The following KRT77 variants were observed in gnomAD, a reference collection of about 807,000 sequenced individuals.
KRT77 encodes keratin 77.
KRT77 carries 44 observed loss-of-function variants against 51.5 expected under a neutral mutation model. The ratio of observed to expected loss-of-function variants is 0.85; its 90% CI spans 0.67 to 1.10. KRT77 has a LOEUF of 1.10. Among genes scored for constraint, KRT77 ranks in the 50% least tolerant of loss-of-function variants. The pLI is 0.00. For synonymous variants in KRT77, 293 were observed against 302.0 expected (o/e 0.97, Z 0.31); for missense variants, 763 against 743.9 (o/e 1.03, Z -0.30).
intron 4 of KRT77, 104 bp from the exon 5 acceptor site, chr12:52,694,894 G>A (rs955506730): frequency 4.8e-6 from 5 of 1,052,322 alleles, no homozygotes; most frequent in South Asian, 4.1e-5. Context: ...AGAAGCCTGG[G>A]CCAGGTAGTC....
chr12:52,696,648 C>T (rs1012640686), intron 2 of KRT77: 34 of 509,982 alleles, frequency 6.7e-5, no homozygotes, highest in African/African-American at 1.1e-4. Flanking sequence ...GAGGGGACCC[C>T]GGGCCAACAT....
intron 3 of KRT77, 117 bp downstream of exon 3, chr12:52,696,253 A>C (rs1941793392): frequency 6.6e-6 from 6 of 915,236 alleles, no homozygotes; most frequent in Admixed American, 5.2e-5. Context: ...GGCATCATAC[A>C]CAGCAAGCCG....
chr12:52,695,673 T>C (rs533330953), intron 4 of KRT77, 99 bp downstream of exon 4: 1 of 596,828 alleles, frequency 1.7e-6, no homozygotes, highest in Non-Finnish European at 2.7e-6. Context: ...GAGTCCCTAG[T>C]GGGACCCTAG....
chr12:52,695,647 G>C (rs947359660), intron 4 of KRT77, 125 bp downstream of exon 4: 17 of 644,524 alleles, frequency 2.6e-5, no homozygotes, highest in Non-Finnish European at 4.7e-5. Context: ...CACAGAGTTG[G>C]GGTACCTGGG....
At chr12:52,692,951 TG>T in intron 5 of KRT77, 71 bp from the exon 6 acceptor site, 1 of 1,535,462 alleles carries the variant, frequency 6.5e-7, no homozygotes, top group African/African-American at 1.3e-5. Flanking sequence ...GGAGTAGGTC[TG>T]GGCTGCTCTC....
At chr12:52,691,568 T>C in intron 8 of KRT77, 129 bp from the exon 9 acceptor site, 1 of 1,085,004 alleles carries the variant, frequency 9.2e-7, no homozygotes, top group Non-Finnish European at 1.3e-6. Context: ...CCCCATACAT[T>C]GAAAATTGAA....
At chr12:52,700,654 G>T (rs1033609810) in intron 1 of KRT77, among the ~76,000 whole-genome samples, 2 of 152,202 alleles carry the variant, frequency 1.3e-5, no homozygotes, top group Non-Finnish European at 2.9e-5. Context: ...CTGCTTACTA[G>T]CCATTGTATC....
At chr12:52,694,908 G>A in intron 4 of KRT77, 118 bp from the exon 5 acceptor site, 1 of 886,330 alleles carries the variant, frequency 1.1e-6, no homozygotes, top group Non-Finnish European at 1.7e-6. Flanking sequence ...GGTAGTCTTG[G>A]GAAAAGCTCT....
chr12:52,695,749 G>A (rs1252973214), intron 4 of KRT77, 23 bp downstream of exon 4: 3 of 1,536,122 alleles, frequency 2.0e-6, no homozygotes, highest in Non-Finnish European at 2.7e-6. Context: ...AAGAAAGGAG[G>A]TTCTTATAAA....
rs1230428445 is a variant in KRT77 at position 52,691,990 on chromosome 12, A to G, written c.1428-18T>C. ...CTGACATCCTGTAAAACCAAAGCAC[A>G]CGGTCAGCCAGACCCACAGGGCCTG... is the stretch of plus-strand genomic sequence containing the variant. On this transcript the variant is annotated intron_variant, in intron 7 of 8. Transcript: ENST00000341809. 1.2e-6 allele frequency: 2 copies of G among 1,613,750 alleles called. No individual in the cohort carries two copies. Among genetic ancestry groups the G allele is most frequent in the African/African-American group, 2.7e-5 (2 of 74,944 alleles).
At chr12:52,694,526 C>T (rs1941762624) in intron 5 of KRT77, 100 bp downstream of exon 5, 1 of 1,149,016 alleles carries the variant, frequency 8.7e-7, no homozygotes, top group Non-Finnish European at 1.2e-6. Flanking sequence ...ATAACAAACA[C>T]ATTTTACTTC....
At position 52,691,287 on chromosome 12, in the gene KRT77, C is replaced by T. The variant is rs1329955770; in HGVS notation, c.1615G>A (p.Gly539Ser). 1 of 1,600,418 alleles carries T rather than the reference C, an allele frequency of 6.2e-7. No individual in the cohort carries two copies. Among genetic ancestry groups the T allele is most frequent in the South Asian group, 1.1e-5 (1 of 90,420 alleles). Residue 539 changes from glycine (G) to serine (S), a missense_variant, in exon 9 of 9, where the codon GGC becomes AGC. Gly to Ser is a moderately conservative substitution (Grantham distance 56). Transcript: ENST00000341809. ...CCGCCACCGCCGCCGCAGCCGCTGC[C>T]ATAACCGCCTCCACTCCTGCCTCGT... Reference protein sequence around the residue: ...GARGRSGGGYGSGCGGGGGSY... With the variant: ...GARGRSGGGYSSGCGGGGGSY...
In KRT77 at chr12:52,692,549, C is replaced by T. The variant is rs1332108042; in HGVS notation, c.1299G>A (p.Glu433=). 2 of 1,604,984 alleles carry T rather than the reference C, an allele frequency of 1.2e-6. No individual in the cohort carries two copies. The highest frequency in any genetic ancestry group is 3.3e-5 in the Admixed American group (2 of 59,822). ...DAWQKLQDLE[E]ALQQSKEELA... is the part of the protein sequence containing the mutation. The stretch of plus-strand genomic sequence containing the variant: ...GCTCCTCCTTGGACTGCTGCAGGGC[C>T]TCCTCCAGGTCCTGCAGCTTCTGCC... Residue 433 remains glutamate, a synonymous_variant, in exon 7 of 9, where the codon GAG becomes GAA. Coordinates refer to ENST00000341809, the MANE Select transcript of KRT77 (RefSeq NM_175078.3).
chr12:52,700,375 G>A (rs922712810), intron 1 of KRT77, among the ~76,000 whole-genome samples: 11 of 152,168 alleles, frequency 7.2e-5, no homozygotes, highest in African/African-American at 2.7e-4. Context: ...CAGGGCCGGG[G>A]CATAGGAACA....
chr12:52,695,657 G>T, intron 4 of KRT77, 115 bp downstream of exon 4: 1 of 631,984 alleles, frequency 1.6e-6, no homozygotes, highest in East Asian at 2.9e-5. Context: ...GGGTACCTGG[G>T]GAGATGAGTC....
chr12:52,692,712 G>A, intron 6 of KRT77, 43 bp downstream of exon 6: 1 of 1,600,098 alleles, frequency 6.2e-7, no homozygotes, highest in Non-Finnish European at 8.6e-7. Context: ...GGCATTGTAG[G>A]AGGTGCAGGG....
At chr12:52,702,247 C>T (rs1436921008) in intron 1 of KRT77, among the ~76,000 whole-genome samples, 1 of 152,208 alleles carries the variant, frequency 6.6e-6, no homozygotes, top group Non-Finnish European at 1.5e-5. Context: ...ACGTGGGCTC[C>T]TTGATGGCAG....
In KRT77 at chr12:52,694,724, A is replaced by G. The variant is rs1328798533; in HGVS notation, c.982T>C (p.Ser328Pro). The G allele has an allele frequency of 6.2e-7, 1 of 1,613,696 alleles. No homozygotes were observed. Among genetic ancestry groups the G allele is most frequent in the Admixed American group, 1.7e-5 (1 of 60,012 alleles). ...NVILSMDNNR[S>P]LDLDSIIDAV... ...TCGATGATGCTGTCCAGGTCCAGGG[A>G]ACGGTTATTGTCCATGGACAGGATG... The change falls in exon 5 of 9, where the codon TCC becomes CCC. Residue 328 changes from serine (S) to proline (P), a missense_variant. Physicochemically the swap from Ser to Pro is moderately conservative, Grantham distance 74. Transcript: ENST00000341809.
chr12:52,696,980 G>C lies in KRT77; in HGVS notation c.759-550C>G, dbSNP rs571801901. ...ACATGGGGAAGAAGAGGGAGGGAGA[G>C]GCTCTGCTGCCTGCACGGCTCAGGA... is the stretch of plus-strand genomic sequence containing the variant. On this transcript the variant is annotated intron_variant, in intron 2 of 8. Coordinates refer to ENST00000341809, the MANE Select transcript of KRT77 (RefSeq NM_175078.3). Among the ~76,000 whole-genome samples, 25 of 152,324 alleles carry C rather than the reference G, an allele frequency of 1.6e-4. No individual in the cohort carries two copies. The South Asian group carries it at 5.2e-3, about 32-fold the overall frequency.
Sources: gnomAD v4.1 joint callset for allele counts (sites outside exome capture counted in the v4.1 genomes callset) on GRCh38, gnomAD v4.1.1 for gene constraint, MANE v1.5 for transcripts, NCBI Gene and HGNC (gene_info 2026-07-23, HGNC 2026-07-21) for gene names.